The following MROH2B variants were observed in gnomAD, a reference collection of about 807,000 sequenced individuals.
The protein encoded by MROH2B is maestro heat like repeat family member 2B.
MROH2B carries 177 observed loss-of-function variants against 208.6 expected under a neutral mutation model. That is an observed-to-expected ratio of 0.85 (90% confidence interval 0.75 to 0.96). The LOEUF (loss-of-function observed/expected upper bound fraction) is 0.96. MROH2B is among the 40% of genes least tolerant of loss of function. MROH2B has a pLI of 0.00. For missense variants in MROH2B, 2,002 were observed against 1,878.7 expected (o/e 1.07, Z -1.21); for synonymous variants, 728 against 659.0 (o/e 1.10, Z -1.60).
At chr5:41,039,988 G>A (rs769433958) in intron 19 of MROH2B, among the ~76,000 whole-genome samples, 12 of 152,126 alleles carry the variant, frequency 7.9e-5, no homozygotes, top group Non-Finnish European at 1.5e-4. Context: ...GAGAAGGTAA[G>A]TGCAAAGCTC....
chr5:41,017,692 TGGGGA>T (rs958502761), intron 28 of MROH2B, among the ~76,000 whole-genome samples, 153 bp downstream of exon 28: 3 of 146,730 alleles, frequency 2.0e-5, no homozygotes, highest in Non-Finnish European at 3.0e-5. Context: ...CAGAGAGAGA[TGGGGA>T]GGGGAGAGGA....
Position 41,059,253 on chromosome 5 carries a change from A to C in MROH2B, c.616-1050T>G, listed in dbSNP as rs554392832. Reference sequence around the variant, plus strand: ...CTGCCATTCAGTGTGGAAAATCATCAACTTCCAGAGTATGAAATATAAATG... The same window carrying C: ...CTGCCATTCAGTGTGGAAAATCATCCACTTCCAGAGTATGAAATATAAATG... On this transcript the variant is annotated intron_variant, in intron 6 of 41. Transcript: ENST00000399564. Among the ~76,000 whole-genome samples, 35 of 152,156 alleles carry C rather than the reference A, an allele frequency of 2.3e-4. No homozygotes were observed. The South Asian group carries it at 7.1e-3, about 31-fold the overall frequency.
rs1427712030 is a variant in MROH2B at position 41,009,375 on chromosome 5, C to T, written c.3325G>A (p.Glu1109Lys). The T allele has an allele frequency of 3.1e-6, 5 of 1,613,874 alleles. No homozygotes were observed. In the South Asian group the frequency reaches 5.5e-5, roughly 18 times the overall value. The change falls in exon 32 of 42, where the codon GAA becomes AAA. Residue 1109 changes from glutamate (E) to lysine (K), a missense_variant. Coordinates refer to ENST00000399564, the MANE Select transcript of MROH2B (RefSeq NM_173489.5). Reference protein sequence around the residue: ...DTKTLWKALAEKPASSGKLLQ... With the variant: ...DTKTLWKALAKKPASSGKLLQ... ...AGTTTCCCACTGGAGGCTGGCTTTT[C>T]AGCCAGCGCCTTCCACAATGTCTTT...
In MROH2B at chr5:41,071,135, G is replaced by A. The variant is rs1743979608; in HGVS notation, c.-283C>T. ...CATCTCACCAAATATTGTCCCTTTG[G>A]TGACCAGAGTATTTGGGAAAGAAGT... On this transcript the variant is annotated 5_prime_UTR_variant, in exon 1 of 42. Coordinates refer to ENST00000399564, the MANE Select transcript of MROH2B (RefSeq NM_173489.5). 3 of 374,256 alleles carry A rather than the reference G, an allele frequency of 8.0e-6. No individual in the cohort carries two copies. The highest frequency in any genetic ancestry group is 9.7e-6 in the Non-Finnish European group (2 of 206,188). 23.2% of individuals were successfully genotyped at this position (374,256 alleles called of 1,614,324 possible). A position where few individuals can be genotyped will look rare whatever the true frequency, so the allele number is the denominator to read the frequency against.
At chr5:41,052,190 T>C (rs1378305580) in intron 12 of MROH2B, among the ~76,000 whole-genome samples, 1 of 134,282 alleles carries the variant, frequency 7.4e-6, no homozygotes, top group East Asian at 2.1e-4. Context: ...GTGTTTATTA[T>C]AAGTTAGAGG....
At chr5:41,054,874 C>T (rs1480768854) in intron 10 of MROH2B, 34 bp from the exon 11 acceptor site, 2 of 1,470,772 alleles carry the variant, frequency 1.4e-6, no homozygotes, top group Non-Finnish European at 1.9e-6. Context: ...AGAGGCCTGA[C>T]TCAATAGAAG....
At chr5:41,009,774 G>A in intron 31 of MROH2B, 148 bp downstream of exon 31, 1 of 704,066 alleles carries the variant, frequency 1.4e-6, no homozygotes, top group Admixed American at 3.1e-5. Flanking sequence ...AACATTACTT[G>A]TGATTCAAAT....
chr5:41,019,070 T>C lies in MROH2B; in HGVS notation c.2442-52A>G, dbSNP rs1742057141. 5.6e-6 allele frequency: 9 copies of C among 1,602,392 alleles called. No homozygotes were observed. In the Admixed American group the frequency reaches 6.7e-5, roughly 12 times the overall value. On this transcript the variant is annotated intron_variant, in intron 24 of 41. Coordinates refer to ENST00000399564, the MANE Select transcript of MROH2B (RefSeq NM_173489.5). ...GGATATTACAGTGACCATCAGAACATACCCAGTGGAATTCCCAAGAACTGC... is the reference window on the plus strand; with the variant it reads ...GGATATTACAGTGACCATCAGAACACACCCAGTGGAATTCCCAAGAACTGC...
At chr5:41,020,986 A>G (rs1442546389) in intron 24 of MROH2B, among the ~76,000 whole-genome samples, 1 of 152,210 alleles carries the variant, frequency 6.6e-6, no homozygotes, top group Non-Finnish European at 1.5e-5. Context: ...TCTAAATTGG[A>G]AAAGGAGAAG....
chr5:41,012,148 C>G (rs1357765228), intron 30 of MROH2B, among the ~76,000 whole-genome samples: 1 of 152,166 alleles, frequency 6.6e-6, no homozygotes, highest in Non-Finnish European at 1.5e-5. Flanking sequence ...CCAGTGGCAG[C>G]CTTGCTTATC....
intron 10 of MROH2B, 108 bp from the exon 11 acceptor site, chr5:41,054,948 T>C: frequency 1.4e-6 from 1 of 697,246 alleles, no homozygotes; most frequent in Non-Finnish European, 2.3e-6. Context: ...TGAAATCTCT[T>C]GTTTTTAACA....
chr5:41,006,021 G>A, intron 34 of MROH2B, among the ~76,000 whole-genome samples: 1 of 123,768 alleles, frequency 8.1e-6, no homozygotes, highest in Non-Finnish European at 1.6e-5. Context: ...CGAAGAGTAA[G>A]ATTCTGTCTC....
chr5:41,022,496 T>C (rs1579920439), intron 24 of MROH2B, among the ~76,000 whole-genome samples: 1 of 151,910 alleles, frequency 6.6e-6, no homozygotes, highest in Non-Finnish European at 1.5e-5. Flanking sequence ...GCAGCGAGGC[T>C]GGGGGAGGGG....
At position 41,052,449 on chromosome 5, in the gene MROH2B, T is replaced by C. The variant is rs1336313466; in HGVS notation, c.1230+16A>G. 3 of 1,605,286 alleles carry C rather than the reference T, an allele frequency of 1.9e-6. No homozygotes were observed. Among genetic ancestry groups the C allele is most frequent in the African/African-American group, 1.3e-5 (1 of 74,694 alleles). ...CTTTTTATAGTGCATCACTCAAAAC[T>C]GTAGCCTCTGCATACCAGATTCCTG... On this transcript the variant is annotated intron_variant, in intron 12 of 41. Transcript: ENST00000399564.
At chr5:41,021,033 A>G (rs1158953577) in intron 24 of MROH2B, among the ~76,000 whole-genome samples, 1 of 152,230 alleles carries the variant, frequency 6.6e-6, no homozygotes, top group Non-Finnish European at 1.5e-5. Context: ...ACAGTCTTAT[A>G]TGTAGGAGCT....
At chr5:41,061,908 A>C (rs1743654717) in intron 5 of MROH2B, among the ~76,000 whole-genome samples, 184 bp from the exon 6 acceptor site, 1 of 152,244 alleles carries the variant, frequency 6.6e-6, no homozygotes, top group African/African-American at 2.4e-5. Flanking sequence ...AATTAAAAGC[A>C]TAATGAGCCA....
At chr5:41,058,962 C>T (rs191665230) in intron 6 of MROH2B, among the ~76,000 whole-genome samples, 13 of 149,968 alleles carry the variant, frequency 8.7e-5, no homozygotes, top group Admixed American at 4.7e-4. Flanking sequence ...GCAGGAGAAT[C>T]ACTTGAACCT....
At position 41,071,077 on chromosome 5, in the gene MROH2B, C is replaced by A; in HGVS notation, c.-225G>T. ...ATTCTACCACTATGACATTGTCTTG[C>A]GTCTGAACTCCTGCTAACCAACAAA... On this transcript the variant is annotated 5_prime_UTR_variant, in exon 1 of 42. Transcript: ENST00000399564. 1 of 492,922 alleles carries A rather than the reference C, an allele frequency of 2.0e-6. No individual in the cohort carries two copies. The highest frequency in any genetic ancestry group is 3.6e-6 in the Non-Finnish European group (1 of 276,180). The allele number at this position is 492,922 out of a possible 1,614,324, so 30.5% of individuals were successfully genotyped here. A position where few individuals can be genotyped will look rare whatever the true frequency, so the allele number is the denominator to read the frequency against.
chr5:41,018,435 T>C lies in MROH2B; in HGVS notation c.2674-5A>G. On this transcript the variant is annotated splice_polypyrimidine_tract_variant and splice_region_variant and intron_variant, in intron 26 of 41. Transcript: ENST00000399564. ...AACAAGCCACATTTGGAGAAGCTGTTGGTCAAAGAATAAATGTTCTTTCCT... is the reference window on the plus strand; with the variant it reads ...AACAAGCCACATTTGGAGAAGCTGTCGGTCAAAGAATAAATGTTCTTTCCT... 1 of 1,610,962 alleles carries C rather than the reference T, an allele frequency of 6.2e-7. No individual in the cohort carries two copies. Among genetic ancestry groups the C allele is most frequent in the Non-Finnish European group, 8.5e-7 (1 of 1,178,598 alleles).
Sources: allele counts gnomAD v4.1 joint callset (sites outside exome capture counted in the v4.1 genomes callset), GRCh38; gene constraint gnomAD v4.1.1; transcripts MANE v1.5; gene names NCBI Gene and HGNC (gene_info 2026-07-23, HGNC 2026-07-21).